The following GALNT18 variants were observed in gnomAD, a reference collection of about 807,000 sequenced individuals.
The protein encoded by GALNT18 is polypeptide N-acetylgalactosaminyltransferase 18, also known as GalNAc-transferase 18.
Under a neutral mutation model 69.5 loss-of-function variants are expected in GALNT18, and 44 were observed. The ratio of observed to expected loss-of-function variants is 0.63; its 90% CI spans 0.50 to 0.81. The LOEUF is 0.81. Ranked by LOEUF, GALNT18 falls within the 40% of genes least tolerant of loss-of-function variation. The pLI is 0.00. For missense variants in GALNT18, 715 were observed against 810.0 expected (o/e 0.88, Z 1.42); for synonymous variants, 364 against 318.2 (o/e 1.14, Z -1.53).
At chr11:11,284,150 C>G (rs192034092) in intron 10 of GALNT18, among the ~76,000 whole-genome samples, 4 of 152,178 alleles carry the variant, frequency 2.6e-5, no homozygotes, top group African/African-American at 9.7e-5. Flanking sequence ...GAGAACTGTG[C>G]GTAGACTGGG....
intron 3 of GALNT18, among the ~76,000 whole-genome samples, chr11:11,403,997 A>G (rs769116447): frequency 6.6e-6 from 1 of 152,200 alleles, no homozygotes; most frequent in Non-Finnish European, 1.5e-5. Context: ...CCTATTCCAG[A>G]GGAGTCATGT....
chr11:11,420,369 T>C (rs961617218), intron 3 of GALNT18, among the ~76,000 whole-genome samples: 1 of 152,142 alleles, frequency 6.6e-6, no homozygotes, highest in Admixed American at 6.5e-5. Context: ...AGGACAGATA[T>C]GGGCAGCAGC....
intron 1 of GALNT18, among the ~76,000 whole-genome samples, chr11:11,561,489 G>A (rs367929595): frequency 1.3e-5 from 2 of 152,322 alleles, no homozygotes; most frequent in East Asian, 3.9e-4. Context: ...TGCAAAATGG[G>A]TATAATAATG....
At chr11:11,274,747 G>A (rs1848903753) in intron 10 of GALNT18, among the ~76,000 whole-genome samples, 2 of 152,110 alleles carry the variant, frequency 1.3e-5, no homozygotes, top group African/African-American at 4.8e-5. Context: ...TCCCCTCCCT[G>A]TGTCCATGTG....
Position 11,387,874 on chromosome 11 carries a change from T to C in GALNT18, c.596-8610A>G, listed in dbSNP as rs1854092555. Among the ~76,000 whole-genome samples the C allele has an allele frequency of 6.6e-6, 1 of 152,220 alleles. No individual in the cohort carries two copies. Among genetic ancestry groups the C allele is most frequent in the Non-Finnish European group, 1.5e-5 (1 of 68,042 alleles). ...GCTCCGGGCAGCATTGCTGCGTGTA[T>C]TCCTCTGTCTTGAAGATCACTCCAG... is the stretch of plus-strand genomic sequence containing the variant. On this transcript the variant is annotated intron_variant, in intron 3 of 10. Transcript: ENST00000227756. The surrounding 1 kb of genome is among the most constrained non-coding windows in gnomAD (Gnocchi z 4.6).
intron 1 of GALNT18, among the ~76,000 whole-genome samples, chr11:11,495,281 A>T (rs1390810354): frequency 6.6e-6 from 1 of 152,208 alleles, no homozygotes; most frequent in Non-Finnish European, 1.5e-5. Context: ...GGTTAAACAA[A>T]GCTAAACATG....
chr11:11,611,667 C>T (rs182321101), intron 1 of GALNT18, among the ~76,000 whole-genome samples: 3 of 152,230 alleles, frequency 2.0e-5, no homozygotes, highest in African/African-American at 7.2e-5. Flanking sequence ...AGCTGGTCAC[C>T]CTGAAAGACA....
chr11:11,589,233 GA>G (rs1859295118), intron 1 of GALNT18, among the ~76,000 whole-genome samples: 1 of 152,208 alleles, frequency 6.6e-6, no homozygotes, highest in African/African-American at 2.4e-5. Flanking sequence ...ACAGACCAGT[GA>G]GGAAGTGGGG....
intron 5 of GALNT18, among the ~76,000 whole-genome samples, chr11:11,373,775 G>C (rs1206909153): frequency 3.9e-5 from 6 of 152,218 alleles, no homozygotes; most frequent in Non-Finnish European, 8.8e-5. Flanking sequence ...AGAGCACGGG[G>C]CTACTTCTCT....
rs60472360 is a variant in GALNT18 at position 11,347,976 on chromosome 11, G to A, written c.1093-6972C>T. On this transcript the variant is annotated intron_variant, in intron 6 of 10. Transcript: ENST00000227756. This position sits in a 1 kb window ranked among gnomAD's most constrained non-coding sequence, Gnocchi z 4.0. ...GAGTGGCTGAACGGTCAGAGATGTA[G>A]GCAAATAATAGGGGTGGGCAGGACA... Among the ~76,000 whole-genome samples the A allele has an allele frequency of 0.12, 18,140 of 152,108 alleles. 3,498 individuals are homozygous for A. Among genetic ancestry groups the A allele is most frequent in the African/African-American group, 0.41 (16,846 of 41,422 alleles).
chr11:11,442,203 G>A (rs979442746), intron 2 of GALNT18, among the ~76,000 whole-genome samples: 4 of 152,114 alleles, frequency 2.6e-5, no homozygotes, highest in Non-Finnish European at 4.4e-5. Flanking sequence ...GCCATCAGTG[G>A]CCGATGAAGT....
rs562827332 is a variant in GALNT18, at chr11:11,511,584, A to C, written c.236-62648T>G. On this transcript the variant is annotated intron_variant, in intron 1 of 10. Transcript: ENST00000227756. This position sits in a 1 kb window ranked among gnomAD's most constrained non-coding sequence, Gnocchi z 4.9. ...CTCCAGAAAATGCATACATGTGCAC[A>C]CTGTGTTATGGAATGAAAGCTTCTG... Among the ~76,000 whole-genome samples, 42 of 152,312 alleles carry C rather than the reference A, an allele frequency of 2.8e-4. 1 individual carries two copies. The highest frequency in any genetic ancestry group is 1.5e-3 in the South Asian group (7 of 4,818).
At chr11:11,353,078 A>T (rs779184038) in intron 6 of GALNT18, 1 of 1,614,146 alleles carries the variant, frequency 6.2e-7, no homozygotes, top group South Asian at 1.1e-5. Context: ...GTGTATTAAC[A>T]TCTGTGTAAA....
chr11:11,328,439 CT>C (rs1042921256), intron 8 of GALNT18, among the ~76,000 whole-genome samples: 5 of 152,166 alleles, frequency 3.3e-5, no homozygotes, highest in Admixed American at 1.3e-4. Context: ...GCAGCAGGGC[CT>C]TTGTACTCCT....
chr11:11,290,953 C>T (rs11021758), intron 10 of GALNT18, among the ~76,000 whole-genome samples: 26,136 of 152,214 alleles, frequency 0.17, 2,904 homozygotes, highest in Non-Finnish European at 0.25. Context: ...TTGTCTTCAA[C>T]CTACAAGCCT....
rs1856898865 is a variant in GALNT18, at chr11:11,497,849, A to C, written c.236-48913T>G. Among the ~76,000 whole-genome samples the C allele has an allele frequency of 2.0e-5, 3 of 152,028 alleles. No homozygotes were observed. The highest frequency in any genetic ancestry group is 6.5e-5 in the Admixed American group (1 of 15,268). ...ATGCTAATATTTTGGTGTAAGGCCA[A>C]GGCTTCTATTTGAGCTGTGTCTCCA... On this transcript the variant is annotated intron_variant, in intron 1 of 10. Coordinates refer to ENST00000227756, the MANE Select transcript of GALNT18 (RefSeq NM_198516.3). This position sits in a 1 kb window ranked among gnomAD's most constrained non-coding sequence, Gnocchi z 4.2.
In GALNT18 at chr11:11,492,802, G is replaced by T. The variant is rs1282901156; in HGVS notation, c.236-43866C>A. On this transcript the variant is annotated intron_variant, in intron 1 of 10. Transcript: ENST00000227756. ...AGGACAAATACCTAACGTATCTGGGGCCTAAAACCTAGATGAGGGGTTGAT... is the reference window on the plus strand; with the variant it reads ...AGGACAAATACCTAACGTATCTGGGTCCTAAAACCTAGATGAGGGGTTGAT... 2.0e-5 allele frequency among the ~76,000 whole-genome samples: 3 copies of T among 152,012 alleles called. No homozygotes were observed. In the East Asian group the frequency reaches 5.8e-4, roughly 29 times the overall value.
chr11:11,344,558 G>A (rs1278314124), intron 6 of GALNT18, among the ~76,000 whole-genome samples: 1 of 152,216 alleles, frequency 6.6e-6, no homozygotes, highest in Admixed American at 6.5e-5. Context: ...TGGGGCATCT[G>A]GGCCAGGTGG....
At chr11:11,326,334 G>T (rs781131639) in intron 9 of GALNT18, among the ~76,000 whole-genome samples, 16 of 152,140 alleles carry the variant, frequency 1.1e-4, no homozygotes, top group Non-Finnish European at 2.2e-4. Context: ...GTGAGCCACC[G>T]TGCCTGGCCT....
Sources: gnomAD v4.1 joint callset for allele counts (sites outside exome capture counted in the v4.1 genomes callset) on GRCh38, gnomAD v4.1.1 for gene constraint, Gnocchi (gnomAD v3.1) non-coding constraint, MANE v1.5 for transcripts, NCBI Gene and HGNC (gene_info 2026-07-23, HGNC 2026-07-21) for gene names.